JAKMIP3: variants seen among roughly 807,000 people sequenced by gnomAD.
The protein encoded by JAKMIP3 is Janus kinase and microtubule interacting protein 3, also known as janus kinase and microtubule-interacting protein 3.
A neutral mutation model predicts 118.5 loss-of-function variants in JAKMIP3; 58 were observed. The ratio of observed to expected loss-of-function variants is 0.49; its 90% CI spans 0.40 to 0.61. The LOEUF is 0.61. Ranked by LOEUF, JAKMIP3 falls within the 20% of genes least tolerant of loss-of-function variation. The pLI, the probability that JAKMIP3 is intolerant of heterozygous loss-of-function variation, is 0.00. For synonymous variants in JAKMIP3, 486 were observed against 451.2 expected (o/e 1.08, Z -0.98); for missense variants, 950 against 1,109.0 (o/e 0.86, Z 2.04).
Position 132,137,274 on chromosome 10 carries a change from C to T in JAKMIP3, c.1269C>T (p.Tyr423=), listed in dbSNP as rs1188594862. 10 of 1,613,874 alleles carry T rather than the reference C, an allele frequency of 6.2e-6. No individual in the cohort carries two copies. In the Admixed American group the frequency reaches 6.7e-5, roughly 11 times the overall value. The part of the protein sequence containing the change: ...ELSKTLETAG[Y]VKSVLERDKL... ...CCTAGACCCTTGAGACCGCCGGCTA[C>T]GTGAAGAGCGTGTTAGTAAGTATGG... The change falls in exon 8 of 24, where the codon TAC becomes TAT. Residue 423 remains tyrosine (Y), a synonymous_variant. Coordinates refer to ENST00000684848, the MANE Select transcript of JAKMIP3 (RefSeq NM_001323087.2).
chr10:132,176,043 G>GTC (rs906790577), intron 23 of JAKMIP3, among the ~76,000 whole-genome samples: 3 of 152,248 alleles, frequency 2.0e-5, no homozygotes, highest in African/African-American at 7.2e-5. Context: ...GGCACTGCCT[G>GTC]TCTCTCTTGG....
At chr10:132,150,315 A>C (rs2055844647) in intron 16 of JAKMIP3, among the ~76,000 whole-genome samples, 1 of 152,028 alleles carries the variant, frequency 6.6e-6, no homozygotes, top group Non-Finnish European at 1.5e-5. Context: ...GCCCTTCCAT[A>C]CTTGCCATGA....
intron 2 of JAKMIP3, among the ~76,000 whole-genome samples, chr10:132,108,979 G>GCAAATGTATATATACATATACACA (rs1564907964): frequency 7.1e-6 from 1 of 140,292 alleles, no homozygotes; most frequent in African/African-American, 2.9e-5. Flanking sequence ...AATTATATAC[G>GCAAATGTATATATACATATACACA]CAAATGTATA....
chr10:132,071,647 T>G (rs138809454), intron 1 of JAKMIP3, among the ~76,000 whole-genome samples: 1 of 152,250 alleles, frequency 6.6e-6, no homozygotes, highest in Admixed American at 6.5e-5. Flanking sequence ...AGATTTAGGA[T>G]TGGCATGTCT....
chr10:132,166,383 C>A (rs148547725), intron 21 of JAKMIP3, among the ~76,000 whole-genome samples: 2 of 152,224 alleles, frequency 1.3e-5, no homozygotes, highest in African/African-American at 4.8e-5. Context: ...GCTCTTCATT[C>A]CCAAGCGATG....
In JAKMIP3 at chr10:132,140,552, G is replaced by A. The variant is rs542588608; in HGVS notation, c.1446G>A (p.Pro482=). The stretch of plus-strand genomic sequence containing the variant: ...AAACAGACAGGACGGACCAGACCCC[G>A]TGCACCCCGGACGATGACTTGGAGG... ...SYQTDRTDQT[P]CTPDDDLEEG... is the part of the protein sequence containing the mutation. Residue 482 remains proline (P), a synonymous_variant, in exon 10 of 24, where the codon CCG becomes CCA. Transcript: ENST00000684848. 8.1e-6 allele frequency: 13 copies of A among 1,607,948 alleles called. 1 individual carries two copies. Among genetic ancestry groups the A allele is most frequent in the Middle Eastern group, 1.7e-4 (1 of 6,056 alleles).
intron 1 of JAKMIP3, among the ~76,000 whole-genome samples, chr10:132,046,237 A>G (rs1046675421): frequency 6.6e-6 from 1 of 152,092 alleles, no homozygotes; most frequent in African/African-American, 2.4e-5. Context: ...GGCAGATCAC[A>G]AGGTCAGGAG....
chr10:132,153,086 A>T (rs182992637), intron 17 of JAKMIP3, 63 bp downstream of exon 17: 1 of 1,348,306 alleles, frequency 7.4e-7, no homozygotes. Context: ...TGCCCTGCTC[A>T]GCTCAGAGGT....
intron 16 of JAKMIP3, among the ~76,000 whole-genome samples, chr10:132,152,751 A>C (rs552442017): frequency 1.3e-5 from 2 of 152,174 alleles, no homozygotes; most frequent in African/African-American, 2.4e-5. Context: ...AGAAAACAAA[A>C]TCGGCAGCAC....
At chr10:132,166,089 C>T (rs910484164) in intron 21 of JAKMIP3, among the ~76,000 whole-genome samples, 1 of 152,182 alleles carries the variant, frequency 6.6e-6, no homozygotes, top group Non-Finnish European at 1.5e-5. Context: ...TTTAGGAGGC[C>T]TAGATGGGAG....
At chr10:132,125,363 T>C (rs1446319553) in intron 3 of JAKMIP3, among the ~76,000 whole-genome samples, 3 of 152,242 alleles carry the variant, frequency 2.0e-5, no homozygotes, top group African/African-American at 7.2e-5. Flanking sequence ...AGCACTTTGG[T>C]CGTGCATCAA....
chr10:132,138,356 G>A (rs2052359820), intron 9 of JAKMIP3, among the ~76,000 whole-genome samples, 178 bp downstream of exon 9: 2 of 140,502 alleles, frequency 1.4e-5, no homozygotes, highest in South Asian at 2.3e-4. Flanking sequence ...TGCCGGGTGC[G>A]TGTGGAGAGG....
chr10:132,040,405 C>A (rs1377688040), intron 1 of JAKMIP3, among the ~76,000 whole-genome samples: 1 of 152,166 alleles, frequency 6.6e-6, no homozygotes. Context: ...CCCCTCGCTC[C>A]GTATCTATAC....
At chr10:132,123,873 G>T (rs1262428840) in intron 3 of JAKMIP3, among the ~76,000 whole-genome samples, 1 of 152,170 alleles carries the variant, frequency 6.6e-6, no homozygotes. Flanking sequence ...TGATGAGGGG[G>T]TCCCTGAGGT....
At chr10:132,061,215 C>T (rs922569526), upstream of JAKMIP3, among the ~76,000 whole-genome samples, 5 of 91,386 alleles carry the variant, frequency 5.5e-5, no homozygotes, top group East Asian at 5.2e-4. Flanking sequence ...CCTGCCGTGA[C>T]GGCGCACACA....
chr10:132,105,058 T>C, intron 2 of JAKMIP3, 115 bp downstream of exon 2: 1 of 1,257,836 alleles, frequency 8.0e-7, no homozygotes, highest in East Asian at 2.6e-5. Context: ...CCCCACCCAG[T>C]CCTAAAGGCT....
At chr10:132,104,550 A>T (rs568135555) in intron 1 of JAKMIP3, 122 bp from the exon 2 acceptor site, 36 of 490,860 alleles carry the variant, frequency 7.3e-5, no homozygotes, top group African/African-American at 5.8e-4. Context: ...TCGTCCAGGT[A>T]GCATCCTCAG....
chr10:132,091,581 A>G (rs2043094085), intron 1 of JAKMIP3, among the ~76,000 whole-genome samples: 1 of 152,098 alleles, frequency 6.6e-6, no homozygotes, highest in Non-Finnish European at 1.5e-5. Context: ...TTTATCAGAG[A>G]CTAGGATTGC....
At chr10:132,127,865 C>T (rs939294486) in intron 3 of JAKMIP3, among the ~76,000 whole-genome samples, 8 of 151,978 alleles carry the variant, frequency 5.3e-5, no homozygotes, top group Admixed American at 1.3e-4. Context: ...GTAATTTTGC[C>T]GTATAACCAA....
Sources: allele counts gnomAD v4.1 joint callset (sites outside exome capture counted in the v4.1 genomes callset), GRCh38; gene constraint gnomAD v4.1.1; transcripts MANE v1.5; gene names NCBI Gene and HGNC (gene_info 2026-07-23, HGNC 2026-07-21).